AFG1L: variants seen among roughly 807,000 people sequenced by gnomAD.
AFG1L encodes the protein AFG1 like ATPase.
A neutral mutation model predicts 62.2 loss-of-function variants in AFG1L; 53 were observed. That is an observed-to-expected ratio of 0.85 (90% CI 0.68 to 1.07). The LOEUF (loss-of-function observed/expected upper bound fraction) is 1.07, where lower values mean the gene tolerates loss of function less well. Ranked by LOEUF, AFG1L falls within the 50% of genes least tolerant of loss-of-function variation. The pLI, the probability that AFG1L is intolerant of heterozygous loss-of-function variation, is 0.00. For synonymous variants in AFG1L, 228 were observed against 210.3 expected, an observed-to-expected ratio of 1.08 and a Z score of -0.73; for missense variants, 555 against 590.5, an observed-to-expected ratio of 0.94 and a Z score of 0.62.
chr6:108,379,999 A>G (rs1244133474), intron 6 of AFG1L, among the ~76,000 whole-genome samples: 1 of 151,228 alleles, frequency 6.6e-6, no homozygotes, highest in East Asian at 2.0e-4. Flanking sequence ...AGATGCCTGG[A>G]GATTTGCCTG....
chr6:108,476,688 C>G (rs895949255), intron 8 of AFG1L, among the ~76,000 whole-genome samples, 177 bp from the exon 9 acceptor site: 11 of 152,206 alleles, frequency 7.2e-5, no homozygotes, highest in Non-Finnish European at 1.3e-4. Context: ...GCAGAATCAT[C>G]TACCTGAGAG....
intron 8 of AFG1L, among the ~76,000 whole-genome samples, chr6:108,462,455 A>G (rs569048875): frequency 6.6e-6 from 1 of 152,232 alleles, no homozygotes; most frequent in Non-Finnish European, 1.5e-5. Context: ...TACATTTGGT[A>G]TAATTTAGAT....
intron 6 of AFG1L, among the ~76,000 whole-genome samples, chr6:108,389,801 G>A (rs909134268): frequency 1.3e-5 from 2 of 152,184 alleles, no homozygotes; most frequent in African/African-American, 4.8e-5. Flanking sequence ...CTCTCTGGGT[G>A]CCTTTAACAT....
At chr6:108,521,372 A>G (rs913105824) in intron 12 of AFG1L, 1 of 152,182 alleles carries the variant, frequency 6.6e-6, no homozygotes, top group Non-Finnish European at 1.5e-5. Flanking sequence ...GGTGGCACAC[A>G]CCTGTAATCC....
chr6:108,425,483 C>T (rs919119010), intron 7 of AFG1L, among the ~76,000 whole-genome samples: 1 of 151,886 alleles, frequency 6.6e-6, no homozygotes, highest in Non-Finnish European at 1.5e-5. Flanking sequence ...CTTATCCCAC[C>T]ACCTTATTAT....
At chr6:108,498,372 G>A (rs1027496960) in intron 10 of AFG1L, among the ~76,000 whole-genome samples, 5 of 152,168 alleles carry the variant, frequency 3.3e-5, no homozygotes, top group Non-Finnish European at 7.3e-5. Flanking sequence ...CAATTCTCCA[G>A]TGGGTTTTAA....
At chr6:108,344,741 C>T (rs995944206) in intron 2 of AFG1L, 2 of 470,860 alleles carry the variant, frequency 4.2e-6, no homozygotes, top group African/African-American at 4.0e-5. Flanking sequence ...TTTCTGAACT[C>T]ACTCCACCCT....
chr6:108,510,913 CA>C (rs1774619886), intron 11 of AFG1L, among the ~76,000 whole-genome samples: 1 of 151,876 alleles, frequency 6.6e-6, no homozygotes. Context: ...CCTAGCTCTA[CA>C]AAAAATAAGA....
chr6:108,356,850 A>T lies in AFG1L; in HGVS notation c.648+30A>T, dbSNP rs761786967. ...AGTAGAGATTTTTCATAGATATAGAATGGTATATTGAATGAGGTATGAAGA... is the reference window on the plus strand; with the variant it reads ...AGTAGAGATTTTTCATAGATATAGATTGGTATATTGAATGAGGTATGAAGA... On this transcript the variant is annotated intron_variant, in intron 5 of 12. Coordinates refer to ENST00000368977, the MANE Select transcript of AFG1L (RefSeq NM_145315.5). The T allele has an allele frequency of 5.1e-6, 8 of 1,573,174 alleles. No individual in the cohort carries two copies. In the African/African-American group the frequency reaches 1.1e-4, roughly 21 times the overall value.
At chr6:108,400,954 T>C (rs2114628434) in intron 6 of AFG1L, among the ~76,000 whole-genome samples, 1 of 147,948 alleles carries the variant, frequency 6.8e-6, no homozygotes, top group African/African-American at 2.5e-5. Flanking sequence ...GCTAACCTTA[T>C]TACTCAATGT....
intron 10 of AFG1L, among the ~76,000 whole-genome samples, chr6:108,482,962 G>A (rs191328348): frequency 1.3e-5 from 2 of 151,966 alleles, no homozygotes; most frequent in African/African-American, 4.8e-5. Context: ...GTAGCTTCTT[G>A]TTGAGTTTTC....
At chr6:108,396,362 A>G (rs1231141179) in intron 6 of AFG1L, among the ~76,000 whole-genome samples, 2 of 152,200 alleles carry the variant, frequency 1.3e-5, no homozygotes, top group Non-Finnish European at 2.9e-5. Context: ...ATTAAAAAAC[A>G]TCTTCCTAAG....
At position 108,362,025 on chromosome 6, in the gene AFG1L, A is replaced by AAATG. The variant is rs377036581; in HGVS notation, c.649-4192_649-4189dup. 3.4e-3 allele frequency among the ~76,000 whole-genome samples: 511 copies of AAATG among 152,300 alleles called. 5 individuals are homozygous for AAATG. Among genetic ancestry groups the AAATG allele is most frequent in the African/African-American group, 0.012 (483 of 41,568 alleles). On this transcript the variant is annotated intron_variant, in intron 5 of 12. Transcript: ENST00000368977. ...ATGAATGAATAAGTAGTGAATAAAT[A>AAATG]AATGAATGAATGAATGAATCTAATA...
At chr6:108,480,759 C>T (rs146347302) in intron 10 of AFG1L, among the ~76,000 whole-genome samples, 3,812 of 152,234 alleles carry the variant, frequency 0.025, 66 homozygotes, top group Non-Finnish European at 0.04. Flanking sequence ...GATCACACCA[C>T]TGCATTCCAG....
At chr6:108,507,561 A>G (rs1298286543) in intron 10 of AFG1L, among the ~76,000 whole-genome samples, 1 of 152,226 alleles carries the variant, frequency 6.6e-6, no homozygotes, top group Non-Finnish European at 1.5e-5. Context: ...ACTTCAGTGC[A>G]CTTCTGATAA....
chr6:108,427,428 T>C (rs890289923), intron 7 of AFG1L, among the ~76,000 whole-genome samples: 3 of 152,210 alleles, frequency 2.0e-5, no homozygotes, highest in Non-Finnish European at 4.4e-5. Flanking sequence ...TTAGTTTACT[T>C]TTAAAGTAAT....
At chr6:108,452,029 T>G (rs2114761724) in intron 8 of AFG1L, among the ~76,000 whole-genome samples, 1 of 152,296 alleles carries the variant, frequency 6.6e-6, no homozygotes, top group East Asian at 1.9e-4. Context: ...TTGTTTCTTT[T>G]CTAGTTGCTT....
intron 7 of AFG1L, among the ~76,000 whole-genome samples, chr6:108,428,855 T>G (rs1376043131): frequency 6.6e-6 from 1 of 152,200 alleles, no homozygotes; most frequent in African/African-American, 2.4e-5. Flanking sequence ...TATTAGTCCT[T>G]GTTAGACACA....
intron 10 of AFG1L, among the ~76,000 whole-genome samples, chr6:108,484,928 ATT>A (rs926622737): frequency 6.6e-6 from 1 of 151,744 alleles, no homozygotes; most frequent in African/African-American, 2.4e-5. Flanking sequence ...AAAGTTGTTG[ATT>A]TTTTTTTATA....
Sources: allele counts gnomAD v4.1 joint callset (sites outside exome capture counted in the v4.1 genomes callset), GRCh38; gene constraint gnomAD v4.1.1; transcripts MANE v1.5; gene names NCBI Gene and HGNC (gene_info 2026-07-23, HGNC 2026-07-21).